Variants in SEMA6B observed in about 807,000 individuals in gnomAD.
SEMA6B encodes the protein semaphorin-6B.
In SEMA6B, 47 loss-of-function variants were observed where a neutral mutation model predicts 78.6. That is an observed-to-expected ratio of 0.60 (90% CI 0.47 to 0.76). The LOEUF is 0.76. Among genes scored for constraint, SEMA6B ranks in the 30% least tolerant of loss-of-function variants. The pLI is 0.00. For synonymous variants in SEMA6B, 632 were observed against 592.2 expected (o/e 1.07, Z -0.98); for missense variants, 1,213 against 1,269.9 (o/e 0.96, Z 0.68).
intron 9 of SEMA6B, among the ~76,000 whole-genome samples, chr19:4,553,520 A>ATGGG (rs2145355510): frequency 7.1e-6 from 1 of 141,430 alleles, no homozygotes; most frequent in Admixed American, 7.1e-5. Context: ...GGGCAGATAA[A>ATGGG]TGGATGGATA....
chr19:4,554,839 A>C, intron 8 of SEMA6B, 137 bp downstream of exon 8: 1 of 1,132,566 alleles, frequency 8.8e-7, no homozygotes, highest in Non-Finnish European at 1.2e-6. Flanking sequence ...GTCTTCAAAA[A>C]GGCCAACAGA....
In SEMA6B at chr19:4,558,775, T is replaced by C. The variant is rs1307489146; in HGVS notation, c.-32-286A>G. On this transcript the variant is annotated intron_variant, in intron 1 of 16. Transcript: ENST00000586582. The surrounding 1 kb of genome is among the most constrained non-coding windows in gnomAD (Gnocchi z 5.1). Reference sequence around the variant, plus strand: ...ATTATTATAATAATAGATACAAATATCCTAAAACATATATTTAAAAATGCA... The same window carrying C: ...ATTATTATAATAATAGATACAAATACCCTAAAACATATATTTAAAAATGCA... Among the ~76,000 whole-genome samples, 1 of 151,244 alleles carries C rather than the reference T, an allele frequency of 6.6e-6. No homozygotes were observed. The highest frequency in any genetic ancestry group is 1.5e-5 in the Non-Finnish European group (1 of 67,866).
rs757521795 is a variant in SEMA6B at position 4,544,039 on chromosome 19, C to A, written c.2229G>T (p.Pro743=). ...GCAGGAGGGAGGATGAAGCGGAGGC[C>A]GGGAGCAGGGGGTGGCCGTGGTCCC... ...RAWDHGHPLL[P]ASASSSLLLL... The change falls in exon 17 of 17, where the codon CCG becomes CCT. Residue 743 remains proline (P), a synonymous_variant. Coordinates refer to ENST00000586582, the MANE Select transcript of SEMA6B (RefSeq NM_032108.4). The surrounding 1 kb of genome is among the most constrained non-coding windows in gnomAD (Gnocchi z 5.1). The A allele has an allele frequency of 1.6e-6, 2 of 1,215,006 alleles. No homozygotes were observed. The highest frequency in any genetic ancestry group is 1.6e-5 in the African/African-American group (1 of 62,016). The allele number at this position is 1,215,006 out of a possible 1,614,324, so 75.3% of individuals were successfully genotyped here.
rs1977217334 is a variant in SEMA6B at position 4,548,084 on chromosome 19, G to A, written c.1544C>T (p.Pro515Leu). The A allele has an allele frequency of 1.3e-6, 2 of 1,592,300 alleles. No individual in the cohort carries two copies. The highest frequency in any genetic ancestry group is 1.7e-6 in the Non-Finnish European group (2 of 1,175,046). The change falls in exon 14 of 17, where the codon CCC becomes CTC. Residue 515 changes from proline to leucine, a missense_variant. Physicochemically the swap from Pro to Leu is moderately conservative, Grantham distance 98. Transcript: ENST00000586582. ...AASGGLLAAFPRCVVRVPVAR... is the reference protein window; with the variant it reads ...AASGGLLAAFLRCVVRVPVAR... The stretch of plus-strand genomic sequence containing the variant: ...CACAGGCACTCGGACCACGCAGCGG[G>A]GGAAGGCAGCCAGCAGGCCCCCCGA...
At chr19:4,553,218 G>C (rs1374069508) in intron 9 of SEMA6B, among the ~76,000 whole-genome samples, 1 of 152,166 alleles carries the variant, frequency 6.6e-6, no homozygotes, top group Non-Finnish European at 1.5e-5. Context: ...GGATGTGTGG[G>C]TGGATGGATG....
Position 4,555,459 on chromosome 19 carries a change from TG to T in SEMA6B, c.562+14del, listed in dbSNP as rs375890005. ...TGGCTGGGGCTGATCAGATGGAGGT[TG>T]GGGGGGTACTTACCAGAGAAGAGGG... is the stretch of plus-strand genomic sequence containing the variant. On this transcript the variant is annotated intron_variant, in intron 7 of 16. Transcript: ENST00000586582. This position sits in a 1 kb window ranked among gnomAD's most constrained non-coding sequence, Gnocchi z 6.1. The T allele has an allele frequency of 8.1e-6, 13 of 1,604,224 alleles. No homozygotes were observed. The highest frequency in any genetic ancestry group is 5.5e-5 in the South Asian group (5 of 90,366).
Position 4,552,392 on chromosome 19 carries a change from C to T in SEMA6B, c.989+30G>A. ...TCTCTACCCATGCCCACCAAATGCT[C>T]CCAGTTTGCTCCCATTGGTGGGCGC... On this transcript the variant is annotated intron_variant, in intron 10 of 16. Coordinates refer to ENST00000586582, the MANE Select transcript of SEMA6B (RefSeq NM_032108.4). This position sits in a 1 kb window ranked among gnomAD's most constrained non-coding sequence, Gnocchi z 7.4. 6.5e-7 allele frequency: 1 copy of T among 1,547,372 alleles called. No homozygotes were observed. Among genetic ancestry groups the T allele is most frequent in the Non-Finnish European group, 8.7e-7 (1 of 1,143,936 alleles).
intron 10 of SEMA6B, among the ~76,000 whole-genome samples, chr19:4,551,435 G>T (rs1176978123): frequency 6.6e-6 from 1 of 151,676 alleles, no homozygotes; most frequent in Non-Finnish European, 1.5e-5. Flanking sequence ...GGCCAGGCTG[G>T]TTTCGAACTC....
chr19:4,544,553 T>G lies in SEMA6B; in HGVS notation c.1739-24A>C, dbSNP rs768764268. Reference sequence around the variant, plus strand: ...TCCTGGCCGGGGAGCACAGGGGGGTTAGTGGGGCCGGCGGGGTGGCCCTGG... The same window carrying G: ...TCCTGGCCGGGGAGCACAGGGGGGTGAGTGGGGCCGGCGGGGTGGCCCTGG... On this transcript the variant is annotated intron_variant, in intron 16 of 16. Transcript: ENST00000586582. This position sits in a 1 kb window ranked among gnomAD's most constrained non-coding sequence, Gnocchi z 5.1. 46 of 1,444,176 alleles carry G rather than the reference T, an allele frequency of 3.2e-5. No individual in the cohort carries two copies. Among genetic ancestry groups the G allele is most frequent in the Non-Finnish European group, 4.1e-5 (45 of 1,089,364 alleles). The allele number at this position is 1,444,176 out of a possible 1,614,324, so 89.5% of individuals were successfully genotyped here. A position where few individuals can be genotyped will look rare whatever the true frequency, so the allele number is the denominator to read the frequency against.
In SEMA6B at chr19:4,543,575, T is replaced by C; in HGVS notation, c.*26A>G. ...CGCTCCTGGTTCCCGTGGCTGGCAC[T>C]GCCAAGGCATCGGGGGGCCCCCGGC... On this transcript the variant is annotated 3_prime_UTR_variant, in exon 17 of 17. Transcript: ENST00000586582. 1 of 1,174,242 alleles carries C rather than the reference T, an allele frequency of 8.5e-7. No individual in the cohort carries two copies. The highest frequency in any genetic ancestry group is 1.1e-6 in the Non-Finnish European group (1 of 932,612). 72.7% of individuals were successfully genotyped at this position (1,174,242 alleles called of 1,614,324 possible).
At chr19:4,557,671 G>A (rs1453060671) in intron 3 of SEMA6B, among the ~76,000 whole-genome samples, 1 of 152,092 alleles carries the variant, frequency 6.6e-6, no homozygotes, top group Non-Finnish European at 1.5e-5. Context: ...TAGAAGCCCC[G>A]TAATCTCACA....
At position 4,544,278 on chromosome 19, in the gene SEMA6B, C is replaced by T. The variant is rs970883516; in HGVS notation, c.1990G>A (p.Gly664Ser). The change falls in exon 17 of 17, where the codon GGC becomes AGC. Residue 664 changes from glycine (G) to serine (S), a missense_variant. Physicochemically the swap from Gly to Ser is moderately conservative, Grantham distance 56 (BLOSUM62 0). Coordinates refer to ENST00000586582, the MANE Select transcript of SEMA6B (RefSeq NM_032108.4). The surrounding 1 kb of genome is among the most constrained non-coding windows in gnomAD (Gnocchi z 5.1). ...LGERRAQGPG[G>S]RGGGGGGGAG... ...CCACCGCCACCGCCTCCGCCCCGGC[C>T]CCCGGGACCCTGCGCCCTGCGCTCG... 2.2e-6 allele frequency: 3 copies of T among 1,381,370 alleles called. No homozygotes were observed. Among genetic ancestry groups the T allele is most frequent in the Non-Finnish European group, 2.8e-6 (3 of 1,073,764 alleles). The allele number at this position is 1,381,370 out of a possible 1,614,324, so 85.6% of individuals were successfully genotyped here.
intron 3 of SEMA6B, 119 bp downstream of exon 3, chr19:4,557,907 C>T: frequency 1.1e-6 from 1 of 883,714 alleles, no homozygotes; most frequent in African/African-American, 1.7e-5. Flanking sequence ...TAAGTCCTCC[C>T]AATGGCCCAA....
Position 4,550,003 on chromosome 19 carries a change from C to T in SEMA6B, c.1271+120G>A. The T allele has an allele frequency of 1.1e-6, 1 of 920,388 alleles. No individual in the cohort carries two copies. The allele number at this position is 920,388 out of a possible 1,614,324, so 57.0% of individuals were successfully genotyped here. ...TTTCCCTCTCTGTCTCTCTGTGTCTCCAGCTCTCTGGGCAGCGCCGGAAGC... is the reference window on the plus strand; with the variant it reads ...TTTCCCTCTCTGTCTCTCTGTGTCTTCAGCTCTCTGGGCAGCGCCGGAAGC... On this transcript the variant is annotated intron_variant, in intron 12 of 16. Transcript: ENST00000586582. The surrounding 1 kb of genome is among the most constrained non-coding windows in gnomAD (Gnocchi z 6.6).
At position 4,544,623 on chromosome 19, in the gene SEMA6B, A is replaced by AT. The variant is rs1443326861; in HGVS notation, c.1739-95dup. The AT allele has an allele frequency of 4.7e-6, 3 of 632,014 alleles. No homozygotes were observed. The highest frequency in any genetic ancestry group is 6.9e-6 in the Non-Finnish European group (3 of 435,902). The allele number at this position is 632,014 out of a possible 1,614,324, so 39.2% of individuals were successfully genotyped here. A position where few individuals can be genotyped will look rare whatever the true frequency, so the allele number is the denominator to read the frequency against. ...GGGGCCCTCTGTCCTCTTTTTTATT[A>AT]TTTTTATTTTTTTTTATTTATTTAT... is the stretch of plus-strand genomic sequence containing the variant. On this transcript the variant is annotated intron_variant, in intron 16 of 16. Coordinates refer to ENST00000586582, the MANE Select transcript of SEMA6B (RefSeq NM_032108.4). This position sits in a 1 kb window ranked among gnomAD's most constrained non-coding sequence, Gnocchi z 5.1.
chr19:4,548,358 C>A lies in SEMA6B; in HGVS notation c.1359G>T (p.Thr453=), dbSNP rs149833889. The A allele has an allele frequency of 1.9e-6, 3 of 1,613,836 alleles. No individual in the cohort carries two copies. Among genetic ancestry groups the A allele is most frequent in the South Asian group, 2.2e-5 (2 of 91,092 alleles). The part of the protein sequence containing the change: ...TVVFLGSEAG[T]VLKFLVRPNA... ...TGGGCCGGACGAGGAACTTGAGGAC[C>A]GTCCCCGCCTCAGAACCCAGGAAGA... is the stretch of plus-strand genomic sequence containing the variant. Residue 453 remains threonine, a synonymous_variant, in exon 13 of 17, where the codon ACG becomes ACT. Transcript: ENST00000586582.
At position 4,548,190 on chromosome 19, in the gene SEMA6B, T is replaced by C. The variant is rs1248143224; in HGVS notation, c.1455-17A>G. On this transcript the variant is annotated splice_polypyrimidine_tract_variant and intron_variant, in intron 13 of 16. Coordinates refer to ENST00000586582, the MANE Select transcript of SEMA6B (RefSeq NM_032108.4). ...CGTCCACACCTGGGGACAAGCAGAG[T>C]GGTGAGGCTGAGCGCATCTCAGCCC... 1 of 1,587,278 alleles carries C rather than the reference T, an allele frequency of 6.3e-7. No individual in the cohort carries two copies. Among genetic ancestry groups the C allele is most frequent in the Non-Finnish European group, 8.6e-7 (1 of 1,160,560 alleles).
Position 4,544,041 on chromosome 19 carries a change from G to A in SEMA6B, c.2227C>T (p.Pro743Ser). Residue 743 changes from proline (P) to serine (S), a missense_variant, in exon 17 of 17, where the codon CCG becomes TCG. Physicochemically the swap from Pro to Ser is moderately conservative, Grantham distance 74 (BLOSUM62 -1). Transcript: ENST00000586582. This position sits in a 1 kb window ranked among gnomAD's most constrained non-coding sequence, Gnocchi z 5.1. ...RAWDHGHPLL[P>S]ASASSSLLLL... ...AGGAGGGAGGATGAAGCGGAGGCCG[G>A]GAGCAGGGGGTGGCCGTGGTCCCAG... 1.6e-6 allele frequency: 2 copies of A among 1,220,380 alleles called. No individual in the cohort carries two copies. Among genetic ancestry groups the A allele is most frequent in the Non-Finnish European group, 1.0e-6 (1 of 980,526 alleles). 75.6% of individuals were successfully genotyped at this position (1,220,380 alleles called of 1,614,324 possible). A position where few individuals can be genotyped will look rare whatever the true frequency, so the allele number is the denominator to read the frequency against.
At position 4,552,305 on chromosome 19, in the gene SEMA6B, G is replaced by A. The variant is rs1977353033; in HGVS notation, c.989+117C>T. ...CAGCCTGGGGCCGAGGCCTCTCAGA[G>A]GTCTAATCCAGTGGTGCCCAACCTA... On this transcript the variant is annotated intron_variant, in intron 10 of 16. Coordinates refer to ENST00000586582, the MANE Select transcript of SEMA6B (RefSeq NM_032108.4). The surrounding 1 kb of genome is among the most constrained non-coding windows in gnomAD (Gnocchi z 7.4). 3 of 1,016,610 alleles carry A rather than the reference G, an allele frequency of 3.0e-6. No individual in the cohort carries two copies. The Admixed American group carries it at 7.8e-5, about 26-fold the overall frequency. 63.0% of individuals were successfully genotyped at this position (1,016,610 alleles called of 1,614,324 possible).
Sources: allele counts gnomAD v4.1 joint callset (sites outside exome capture counted in the v4.1 genomes callset), GRCh38; gene constraint gnomAD v4.1.1; non-coding constraint Gnocchi (gnomAD v3.1); transcripts MANE v1.5; gene names NCBI Gene and HGNC (gene_info 2026-07-23, HGNC 2026-07-21).